The following ELF4 variants were observed in gnomAD, a reference collection of about 807,000 sequenced individuals.
ELF4 encodes the protein ETS-related transcription factor Elf-4.
ELF4 carries 10 observed loss-of-function variants against 31.7 expected under a neutral mutation model. The ratio of observed to expected loss-of-function variants is 0.32; its 90% confidence interval spans 0.19 to 0.54. The LOEUF is 0.54. Ranked by LOEUF, ELF4 falls within the 20% of genes least tolerant of loss-of-function variation. The probability of loss-of-function intolerance (pLI) is 0.95; values close to 1 mark genes in which losing one functional copy is unlikely to be tolerated. For missense variants in ELF4, 418 were observed against 522.0 expected (o/e 0.80, Z 1.94); for synonymous variants, 208 against 226.7 (o/e 0.92, Z 0.74).
chrX:130,101,801 A>AAAAACAAAACAAAACAAAAC (rs3080372), intron 1 of ELF4, among the ~76,000 whole-genome samples: 9 of 97,370 alleles, frequency 9.2e-5, no homozygotes, highest in African/African-American at 2.9e-4. Flanking sequence ...CTCCGTCTCA[A>AAAAACAAAACAAAACAAAAC]AAAACAAAAC....
chrX:130,101,905 C>T (rs1271095159), intron 1 of ELF4, among the ~76,000 whole-genome samples: 5 of 112,172 alleles, frequency 4.5e-5, no homozygotes, highest in African/African-American at 1.6e-4. Flanking sequence ...GGGAGGCCAA[C>T]GCCAGTGGAT....
At chrX:130,102,100 C>T (rs1209365237) in intron 1 of ELF4, among the ~76,000 whole-genome samples, 2 of 111,828 alleles carry the variant, frequency 1.8e-5, no homozygotes, top group Non-Finnish European at 3.8e-5. Flanking sequence ...GAACTGAGAT[C>T]GCACGACTGG....
intron 2 of ELF4, among the ~76,000 whole-genome samples, chrX:130,076,742 T>C (rs983689707): frequency 8.9e-6 from 1 of 112,457 alleles, no homozygotes; most frequent in Non-Finnish European, 1.9e-5. Flanking sequence ...TAGTTTTATT[T>C]TCATTATGGA....
chrX:130,064,397 C>T lies in ELF4; in HGVS notation c.*2324G>A, dbSNP rs1319078938. 8.9e-6 allele frequency among the ~76,000 whole-genome samples: 1 copy of T among 112,078 alleles called. No homozygotes were observed. The highest frequency in any genetic ancestry group is 1.9e-5 in the Non-Finnish European group (1 of 53,225). The stretch of plus-strand genomic sequence containing the variant: ...AGGTTGCAGTGAACCGAGATTGCAC[C>T]ACTGCACTCCAGCCGACAGAGCAAG... On this transcript the variant is annotated 3_prime_UTR_variant, in exon 9 of 9. Transcript: ENST00000308167.
Position 130,065,583 on chromosome X carries a change from T to A in ELF4, c.*1138A>T. Reference sequence around the variant, plus strand: ...GCAGAAACCATGTGGTAGGTGCCCATGCTTGAGCAGGAATGGGGGTGGACC... The same window carrying A: ...GCAGAAACCATGTGGTAGGTGCCCAAGCTTGAGCAGGAATGGGGGTGGACC... On this transcript the variant is annotated 3_prime_UTR_variant, in exon 9 of 9. Coordinates refer to ENST00000308167, the MANE Select transcript of ELF4 (RefSeq NM_001421.4). 5.7e-6 allele frequency: 1 copy of A among 176,010 alleles called. No homozygotes were observed. The highest frequency in any genetic ancestry group is 1.1e-5 in the Non-Finnish European group (1 of 91,718). The allele number at this position is 176,010 out of a possible 1,213,427, so 14.5% of individuals were successfully genotyped here.
In ELF4 at chrX:130,070,901, G is replaced by A. The variant is rs1020871166; in HGVS notation, c.809+139C>T. ...GGGGGCCTGGGGAACAGACATAGGA[G>A]CAAGCTAAGAGGAAAGTTACGAGAC... On this transcript the variant is annotated intron_variant, in intron 7 of 8. Coordinates refer to ENST00000308167, the MANE Select transcript of ELF4 (RefSeq NM_001421.4). The A allele has an allele frequency of 1.1e-5, 10 of 890,799 alleles. No homozygotes were observed. In the African/African-American group the frequency reaches 1.2e-4, roughly 11 times the overall value. 73.4% of individuals were successfully genotyped at this position (890,799 alleles called of 1,213,427 possible).
At chrX:130,071,735 C>T (rs1369784886) in intron 5 of ELF4, among the ~76,000 whole-genome samples, 4 of 112,863 alleles carry the variant, frequency 3.5e-5, no homozygotes, top group South Asian at 3.6e-4. Context: ...CAGGTAAGTG[C>T]GGTGCTGAGG....
At chrX:130,090,144 C>CA (rs1215442057) in intron 1 of ELF4, among the ~76,000 whole-genome samples, 1 of 107,001 alleles carries the variant, frequency 9.3e-6, no homozygotes, top group Non-Finnish European at 1.9e-5. Flanking sequence ...GAGGCCGAGG[C>CA]AGGCGGATGA....
upstream of ELF4, among the ~76,000 whole-genome samples, chrX:130,111,619 C>T (rs1171281396): frequency 1.8e-5 from 2 of 111,300 alleles, no homozygotes; most frequent in Non-Finnish European, 3.8e-5. Context: ...GGGTGGGGGA[C>T]GCTGGCAAGA....
At chrX:130,088,457 A>G (rs372292003) in intron 1 of ELF4, among the ~76,000 whole-genome samples, 4 of 111,551 alleles carry the variant, frequency 3.6e-5, no homozygotes, top group East Asian at 2.8e-4. Flanking sequence ...CATGCCTATA[A>G]TCCCAGCACT....
intron 1 of ELF4, among the ~76,000 whole-genome samples, chrX:130,104,394 G>A (rs758451265): frequency 1.8e-5 from 2 of 109,772 alleles, no homozygotes; most frequent in African/African-American, 3.3e-5. Context: ...AAAATCTCCC[G>A]CTTAGTTTCA....
intron 7 of ELF4, 118 bp downstream of exon 7, chrX:130,070,922 G>A (rs754878283): frequency 2.8e-5 from 29 of 1,034,825 alleles, no homozygotes; most frequent in Non-Finnish European, 3.2e-5. Context: ...GGAAAGTTAC[G>A]AGACTCGTTT....
At chrX:130,074,787 C>T in intron 2 of ELF4, 35 bp from the exon 3 acceptor site, 1 of 1,203,962 alleles carries the variant, frequency 8.3e-7, no homozygotes, top group Non-Finnish European at 1.1e-6. Flanking sequence ...TCAAGACCCA[C>T]CCAGCTCTTC....
intron 1 of ELF4, among the ~76,000 whole-genome samples, chrX:130,097,066 G>C (rs1441561519): frequency 2.8e-5 from 3 of 107,717 alleles, no homozygotes; most frequent in Non-Finnish European, 5.8e-5. Context: ...GGAGGCCGAG[G>C]TGGGAAGGTG....
chrX:130,092,969 C>T (rs1356757813), intron 1 of ELF4, among the ~76,000 whole-genome samples: 1 of 108,921 alleles, frequency 9.2e-6, no homozygotes, highest in Non-Finnish European at 1.9e-5. Context: ...AAAGGTGGCC[C>T]TCCCTGTACT....
intron 1 of ELF4, among the ~76,000 whole-genome samples, chrX:130,108,659 G>A (rs1226883236): frequency 9.0e-6 from 1 of 111,179 alleles, no homozygotes. Flanking sequence ...TGGGCCCCTA[G>A]GTTGTCCAGG....
intron 1 of ELF4, among the ~76,000 whole-genome samples, chrX:130,094,904 G>A (rs1476968555): frequency 9.0e-6 from 1 of 111,376 alleles, no homozygotes; most frequent in African/African-American, 3.3e-5. Flanking sequence ...GGGTGGAAGC[G>A]CTTGAGGTTG....
At chrX:130,072,046 G>T (rs1051116557) in intron 5 of ELF4, among the ~76,000 whole-genome samples, 180 bp downstream of exon 5, 1 of 112,014 alleles carries the variant, frequency 8.9e-6, no homozygotes, top group Non-Finnish European at 1.9e-5. Flanking sequence ...GGCAGCATGG[G>T]AAATGTCAGG....
At position 130,072,553 on chromosome X, in the gene ELF4, A is replaced by C. The variant is rs770771813; in HGVS notation, c.341-136T>G. On this transcript the variant is annotated intron_variant, in intron 4 of 8. Transcript: ENST00000308167. The stretch of plus-strand genomic sequence containing the variant: ...CAGCCCCAGACACAGGATACACCTG[A>C]AAATGCCTCATGTGGCTTGTACCAC... The C allele has an allele frequency of 1.5e-4, 90 of 589,036 alleles. No homozygotes were observed. In the African/African-American group the frequency reaches 1.8e-3, roughly 12 times the overall value. The allele number at this position is 589,036 out of a possible 1,213,427, so 48.5% of individuals were successfully genotyped here.
Sources: allele counts gnomAD v4.1 joint callset (sites outside exome capture counted in the v4.1 genomes callset), GRCh38; gene constraint gnomAD v4.1.1; transcripts MANE v1.5; gene names NCBI Gene and HGNC (gene_info 2026-07-23, HGNC 2026-07-21).